Variants in PRDM10 observed in about 807,000 individuals in gnomAD.
PRDM10 encodes the protein PR/SET domain 10, also known as PR domain zinc finger protein 10.
Under a neutral mutation model 133.1 loss-of-function variants are expected in PRDM10, and 65 were observed. The observed-to-expected ratio is 0.49, with a 90% CI of 0.40 to 0.60. The LOEUF is 0.60. Ranked by LOEUF, PRDM10 falls within the 20% of genes least tolerant of loss-of-function variation. PRDM10 has a pLI of 0.00. For synonymous variants in PRDM10, 582 were observed against 580.4 expected (o/e 1.00, Z -0.04); for missense variants, 1,137 against 1,507.1 (o/e 0.75, Z 4.07).
Position 129,942,446 on chromosome 11 carries a change from C to T in PRDM10, c.946G>A (p.Glu316Lys). ...HVYYTTIKNVEPKQELKVWYA... is the reference protein window; with the variant it reads ...HVYYTTIKNVKPKQELKVWYA... ...TGTACCTTCAGTTCCTGCTTGGGCT[C>T]CACATTTTTTATGGTTGTATAATAC... Residue 316 changes from glutamate (E) to lysine (K), a missense_variant, in exon 7 of 21, where the codon GAG (glutamate) becomes AAG (lysine). Glu to Lys is a moderately conservative substitution (Grantham distance 56, BLOSUM62 1). This residue lies in a region of PRDM10 where 635 missense variants were observed against 835.2 expected (regional missense o/e 0.76). Transcript: ENST00000360871. The T allele has an allele frequency of 6.2e-7, 1 of 1,614,046 alleles. No individual in the cohort carries two copies. The highest frequency in any genetic ancestry group is 1.3e-5 in the African/African-American group (1 of 75,024).
intron 1 of PRDM10, among the ~76,000 whole-genome samples, chr11:129,977,010 G>A (rs941223711): frequency 3.3e-5 from 5 of 152,094 alleles, no homozygotes; most frequent in African/African-American, 9.6e-5. Flanking sequence ...CGTTCCAAGA[G>A]CCCTCCCAGA....
chr11:129,990,949 A>T (rs1938711128), intron 1 of PRDM10, among the ~76,000 whole-genome samples: 2 of 152,224 alleles, frequency 1.3e-5, no homozygotes, highest in South Asian at 4.1e-4. Context: ...AAGACCTACA[A>T]GCTACCAAAT....
chr11:129,932,260 G>A (rs201857919), intron 9 of PRDM10, 29 bp from the exon 10 acceptor site: 82 of 1,610,884 alleles, frequency 5.1e-5, no homozygotes, highest in Non-Finnish European at 6.2e-5. Context: ...GTTACAGGTC[G>A]TCATGGTTAC....
chr11:129,900,386 G>A lies in PRDM10; in HGVS notation c.*1927C>T, dbSNP rs1268673066. The A allele has an allele frequency of 6.6e-6, 1 of 152,036 alleles. No homozygotes were observed. Among genetic ancestry groups the A allele is most frequent in the Non-Finnish European group, 1.5e-5 (1 of 67,820 alleles). 9.4% of individuals were successfully genotyped at this position (152,036 alleles called of 1,614,324 possible). Reference sequence around the variant, plus strand: ...AGAAGAAGAAGAAGACAACTTAGAAGGGAAAGCAACAAAGAGGTCCTTCCA... The same window carrying A: ...AGAAGAAGAAGAAGACAACTTAGAAAGGAAAGCAACAAAGAGGTCCTTCCA... On this transcript the variant is annotated 3_prime_UTR_variant, in exon 21 of 21. Transcript: ENST00000360871.
intron 6 of PRDM10, 108 bp downstream of exon 6, chr11:129,944,663 C>T (rs1358585520): frequency 4.9e-6 from 7 of 1,434,478 alleles, no homozygotes; most frequent in Admixed American, 4.5e-5. Flanking sequence ...AAGAAGAATA[C>T]TAGCAAACAA....
chr11:129,997,722 T>C (rs927156222), intron 1 of PRDM10, among the ~76,000 whole-genome samples: 9 of 152,258 alleles, frequency 5.9e-5, no homozygotes, highest in African/African-American at 2.2e-4. Context: ...AGCTCAACTT[T>C]TTTTAATGGA....
At chr11:129,990,846 A>T (rs1360721593) in intron 1 of PRDM10, among the ~76,000 whole-genome samples, 1 of 152,150 alleles carries the variant, frequency 6.6e-6, no homozygotes, top group Non-Finnish European at 1.5e-5. Context: ...ATGGTAGAAA[A>T]ATAAGTATTT....
At chr11:129,935,054 T>C (rs1950984430) in intron 9 of PRDM10, 47 bp downstream of exon 9, 1 of 1,491,322 alleles carries the variant, frequency 6.7e-7, no homozygotes, top group African/African-American at 1.4e-5. Flanking sequence ...GAAATGATTC[T>C]GAACCTTTAT....
chr11:129,935,698 C>A (rs1467142429), intron 8 of PRDM10, among the ~76,000 whole-genome samples: 1 of 152,210 alleles, frequency 6.6e-6, no homozygotes, highest in Non-Finnish European at 1.5e-5. Context: ...CAACTCCACT[C>A]CTACATACAT....
chr11:129,982,982 T>A (rs1029929832), intron 1 of PRDM10, among the ~76,000 whole-genome samples: 2 of 151,554 alleles, frequency 1.3e-5, no homozygotes, highest in South Asian at 2.1e-4. Context: ...TTTAAAAAAT[T>A]TTTTTTTTCT....
At chr11:129,926,842 A>G (rs977340012) in intron 11 of PRDM10, among the ~76,000 whole-genome samples, 5 of 152,254 alleles carry the variant, frequency 3.3e-5, no homozygotes, top group Non-Finnish European at 7.3e-5. Flanking sequence ...TCAGTGAAAT[A>G]TATTTCATAT....
intron 1 of PRDM10, among the ~76,000 whole-genome samples, chr11:129,983,520 G>A (rs545108387): frequency 6.6e-6 from 1 of 151,690 alleles, no homozygotes; most frequent in South Asian, 2.1e-4. Context: ...GGATGCTCTC[G>A]ATCTCCTGAC....
chr11:129,900,882 A>G lies in PRDM10; in HGVS notation c.*1431T>C, dbSNP rs1443179414. ...TACACATCAATAAAGTTCTTTTAAC[A>G]GAATTGTTCACTTTTCAGAAAATTG... On this transcript the variant is annotated 3_prime_UTR_variant, in exon 21 of 21. Transcript: ENST00000360871. The G allele has an allele frequency of 2.0e-5, 3 of 152,670 alleles. No homozygotes were observed. Among genetic ancestry groups the G allele is most frequent in the Non-Finnish European group, 4.4e-5 (3 of 68,044 alleles). 9.5% of individuals were successfully genotyped at this position (152,670 alleles called of 1,614,324 possible). A position where few individuals can be genotyped will look rare whatever the true frequency, so the allele number is the denominator to read the frequency against.
At chr11:129,994,753 GCC>G (rs1938958097) in intron 1 of PRDM10, among the ~76,000 whole-genome samples, 1 of 151,976 alleles carries the variant, frequency 6.6e-6, no homozygotes, top group Non-Finnish European at 1.5e-5. Context: ...CTGGGTTCAT[GCC>G]ATTCTCCTGC....
chr11:129,980,864 T>G (rs1938066108), intron 1 of PRDM10, among the ~76,000 whole-genome samples: 2 of 93,712 alleles, frequency 2.1e-5, no homozygotes. Context: ...ATTTCTGGTT[T>G]TTTTTTTTTT....
chr11:129,911,500 A>G (rs942564572), intron 18 of PRDM10, among the ~76,000 whole-genome samples: 2 of 152,224 alleles, frequency 1.3e-5, no homozygotes, highest in Non-Finnish European at 1.5e-5. Flanking sequence ...CTTTCCAAAC[A>G]TCATTTCCTG....
At chr11:129,959,907 C>T (rs1482279550) in intron 2 of PRDM10, among the ~76,000 whole-genome samples, 2 of 151,664 alleles carry the variant, frequency 1.3e-5, no homozygotes, top group East Asian at 3.9e-4. Flanking sequence ...CATGCACCAC[C>T]ATGTCCGGCT....
At chr11:129,967,421 CTT>C (rs1027509644) in intron 1 of PRDM10, among the ~76,000 whole-genome samples, 2 of 152,024 alleles carry the variant, frequency 1.3e-5, no homozygotes, top group African/African-American at 4.8e-5. Context: ...AAAAAACCCA[CTT>C]GTGTCAGAAG....
rs1423810576 is a variant in PRDM10, at chr11:129,944,973, G to A, written c.560C>T (p.Pro187Leu). ...ECNNAHASVC[P>L]KHGPLHPIPN... The stretch of plus-strand genomic sequence containing the variant: ...GATCGGGTGCAAGGGGCCGTGCTTC[G>A]GACACACTGAAGCATGCGCGTTATT... The change falls in exon 6 of 21, where the codon CCG becomes CTG. Residue 187 changes from proline to leucine, a missense_variant. Pro to Leu is a moderately conservative substitution (Grantham distance 98). Around this residue, in one of 6 missense-constraint regions of PRDM10, gnomAD observed 635 missense variants for 835.2 expected, o/e 0.76. Coordinates refer to ENST00000360871, the MANE Select transcript of PRDM10 (RefSeq NM_199437.2). The A allele has an allele frequency of 5.0e-6, 8 of 1,613,096 alleles. No homozygotes were observed. The highest frequency in any genetic ancestry group is 3.3e-5 in the South Asian group (3 of 91,012).
Sources: allele counts gnomAD v4.1 joint callset (sites outside exome capture counted in the v4.1 genomes callset), GRCh38; gene constraint gnomAD v4.1.1; regional missense constraint gnomAD v4.1.1; transcripts MANE v1.5; gene names NCBI Gene and HGNC (gene_info 2026-07-23, HGNC 2026-07-21).